The following BANK1 variants were observed in gnomAD, a reference collection of about 807,000 sequenced individuals.
BANK1 encodes B-cell scaffold protein with ankyrin repeats.
Under a neutral mutation model 94.5 loss-of-function variants are expected in BANK1, and 95 were observed. That is an observed-to-expected ratio of 1.00 (90% CI 0.85 to 1.19). The LOEUF is 1.19. BANK1 is among the 50% of genes most tolerant of loss of function. BANK1 has a pLI of 0.00. For synonymous variants in BANK1, 334 were observed against 308.4 expected, an observed-to-expected ratio of 1.08 and a Z score of -0.87; for missense variants, 987 against 932.2, an observed-to-expected ratio of 1.06 and a Z score of -0.77.
At chr4:101,907,212 A>G (rs572295188) in intron 6 of BANK1, among the ~76,000 whole-genome samples, 6 of 152,344 alleles carry the variant, frequency 3.9e-5, no homozygotes, top group African/African-American at 1.2e-4. Context: ...CACCATGATC[A>G]AGTGGGCTTC....
chr4:102,034,484 T>C (rs1264881974), intron 10 of BANK1, among the ~76,000 whole-genome samples: 4 of 152,208 alleles, frequency 2.6e-5, no homozygotes, highest in Non-Finnish European at 5.9e-5. Context: ...ATACTTGACA[T>C]GTGGTATATG....
intron 10 of BANK1, among the ~76,000 whole-genome samples, chr4:102,040,871 G>A (rs1210925320): frequency 2.6e-5 from 4 of 151,940 alleles, no homozygotes; most frequent in Non-Finnish European, 5.9e-5. Context: ...TAACTTTATT[G>A]GCAAGAAAAT....
At chr4:101,909,998 T>G in intron 6 of BANK1, among the ~76,000 whole-genome samples, 1 of 152,302 alleles carries the variant, frequency 6.6e-6, no homozygotes. Context: ...CTTTGCAGTT[T>G]TATTTAGTTC....
chr4:101,964,065 A>G (rs1393545557), intron 7 of BANK1, among the ~76,000 whole-genome samples: 1 of 152,050 alleles, frequency 6.6e-6, no homozygotes, highest in Non-Finnish European at 1.5e-5. Context: ...TCATTTTGTC[A>G]TCTTTATATC....
intron 5 of BANK1, among the ~76,000 whole-genome samples, chr4:101,881,950 G>A (rs185732970): frequency 2.6e-4 from 40 of 151,548 alleles, no homozygotes; most frequent in East Asian, 2.5e-3. Flanking sequence ...GGTGGGGGAG[G>A]TGGGGATGGT....
At chr4:102,009,115 C>T (rs746127641) in intron 7 of BANK1, among the ~76,000 whole-genome samples, 1 of 152,170 alleles carries the variant, frequency 6.6e-6, no homozygotes, top group Non-Finnish European at 1.5e-5. Flanking sequence ...TGAGAGTAGG[C>T]CTTCTGTTGT....
intron 5 of BANK1, among the ~76,000 whole-genome samples, chr4:101,887,420 CTCT>C (rs1728896636): frequency 6.6e-6 from 1 of 152,194 alleles, no homozygotes; most frequent in Non-Finnish European, 1.5e-5. Context: ...GACTTACATG[CTCT>C]TCTTATATCA....
intron 10 of BANK1, among the ~76,000 whole-genome samples, chr4:102,035,695 A>G (rs947771598): frequency 6.6e-6 from 1 of 151,650 alleles, no homozygotes; most frequent in African/African-American, 2.4e-5. Flanking sequence ...TTTTATCAAG[A>G]TATATGTTTC....
At chr4:101,945,274 G>T (rs1723890860) in intron 7 of BANK1, among the ~76,000 whole-genome samples, 1 of 151,862 alleles carries the variant, frequency 6.6e-6, no homozygotes. Flanking sequence ...GGCCATATCT[G>T]TTACTGATTA....
At chr4:101,821,975 T>A (rs1159022194) in intron 1 of BANK1, among the ~76,000 whole-genome samples, 1 of 152,092 alleles carries the variant, frequency 6.6e-6, no homozygotes, top group Non-Finnish European at 1.5e-5. Context: ...ATAAGGGCCA[T>A]CCTCCGGGAA....
chr4:101,935,928 G>C (rs79774124), intron 7 of BANK1, among the ~76,000 whole-genome samples: 1 of 151,402 alleles, frequency 6.6e-6, no homozygotes, highest in Non-Finnish European at 1.5e-5. Flanking sequence ...ATGGATTAAA[G>C]ACTTAAATCT....
intron 1 of BANK1, among the ~76,000 whole-genome samples, chr4:101,792,469 G>GTGTT (rs1458927726): frequency 9.2e-5 from 9 of 97,642 alleles, no homozygotes; most frequent in Admixed American, 5.7e-4. Context: ...GTGTGTGTGT[G>GTGTT]TTTTTTTTTT....
chr4:101,835,352 T>A (rs975124432), intron 2 of BANK1, among the ~76,000 whole-genome samples: 2 of 152,206 alleles, frequency 1.3e-5, no homozygotes, highest in African/African-American at 4.8e-5. Flanking sequence ...CCCCCGTCAC[T>A]TCTGGACCAG....
chr4:101,883,087 A>C (rs1728735259), intron 5 of BANK1, among the ~76,000 whole-genome samples: 1 of 152,166 alleles, frequency 6.6e-6, no homozygotes, highest in Non-Finnish European at 1.5e-5. Context: ...AGGCATATCT[A>C]TTGAAGCTTG....
intron 5 of BANK1, among the ~76,000 whole-genome samples, chr4:101,893,969 T>C (rs187956169): frequency 6.6e-6 from 1 of 152,202 alleles, no homozygotes; most frequent in East Asian, 1.9e-4. Context: ...GCCATGCATA[T>C]GATACCTACA....
At position 101,990,422 on chromosome 4, in the gene BANK1, C is replaced by T. The variant is rs191902325; in HGVS notation, c.1207-31092C>T. ...TAAACAAGAAGCCTTTCCCCTATGA[C>T]TTCCAAGATACCTTCCTTAATTTTC... On this transcript the variant is annotated intron_variant, in intron 7 of 16. Transcript: ENST00000322953. 1.2e-4 allele frequency among the ~76,000 whole-genome samples: 19 copies of T among 152,292 alleles called. No individual in the cohort carries two copies. The East Asian group carries it at 3.1e-3, about 25-fold the overall frequency.
At chr4:101,791,771 G>A (rs1207557798) in intron 1 of BANK1, among the ~76,000 whole-genome samples, 2 of 152,056 alleles carry the variant, frequency 1.3e-5, no homozygotes, top group Non-Finnish European at 2.9e-5. Flanking sequence ...AATTTTTTAG[G>A]TAATGTAATT....
intron 7 of BANK1, among the ~76,000 whole-genome samples, chr4:101,930,211 A>G (rs1723294258): frequency 1.3e-5 from 2 of 151,270 alleles, no homozygotes; most frequent in South Asian, 2.1e-4. Flanking sequence ...AGCAGTGACT[A>G]TCTCTGAGTA....
At chr4:101,982,018 C>T (rs34205595) in intron 7 of BANK1, 9,875 of 152,214 alleles carry the variant, frequency 0.065, 481 homozygotes, top group Non-Finnish European at 0.098. Context: ...TCTCTTATTA[C>T]CAGCAAGGCT....
Sources: gnomAD v4.1 joint callset for allele counts (sites outside exome capture counted in the v4.1 genomes callset) on GRCh38, gnomAD v4.1.1 for gene constraint, MANE v1.5 for transcripts, NCBI Gene and HGNC (gene_info 2026-07-23, HGNC 2026-07-21) for gene names.